PIK3CB: variants seen among roughly 807,000 people sequenced by gnomAD.
The protein encoded by PIK3CB is phosphatidylinositol 4,5-bisphosphate 3-kinase catalytic subunit beta isoform.
PIK3CB carries 39 observed loss-of-function variants against 136.8 expected under a neutral mutation model. The ratio of observed to expected loss-of-function variants is 0.29; its 90% CI spans 0.22 to 0.37. PIK3CB has a LOEUF of 0.37. PIK3CB is among the 10% of genes least tolerant of loss of function. PIK3CB has a pLI of 1.00. For synonymous variants in PIK3CB, 428 were observed against 436.6 expected (o/e 0.98, Z 0.25); for missense variants, 868 against 1,275.4 (o/e 0.68, Z 4.87).
chr3:138,799,579 C>T (rs2046149229), intron 1 of PIK3CB, among the ~76,000 whole-genome samples: 1 of 152,158 alleles, frequency 6.6e-6, no homozygotes, highest in Admixed American at 6.6e-5. Context: ...TGCGTTACAA[C>T]TATGAACTAC....
chr3:138,830,137 A>G (rs1306253996), intron 1 of PIK3CB, among the ~76,000 whole-genome samples: 1 of 152,158 alleles, frequency 6.6e-6, no homozygotes, highest in Admixed American at 6.6e-5. Context: ...AGTCAAAGAG[A>G]GTGAAGAGGA....
chr3:138,685,846 T>G lies in PIK3CB; in HGVS notation c.2137-1043A>C, dbSNP rs568633173. ...AAATCAAAACCATTATGTTTAAAAT[T>G]CAACTTTAGGCTGGGTGTGATGGCT... On this transcript the variant is annotated intron_variant, in intron 16 of 23. Coordinates refer to ENST00000674063, the MANE Select transcript of PIK3CB (RefSeq NM_006219.3). Among the ~76,000 whole-genome samples the G allele has an allele frequency of 2.6e-5, 4 of 152,190 alleles. No homozygotes were observed. In the South Asian group the frequency reaches 8.3e-4, roughly 32 times the overall value.
intron 1 of PIK3CB, among the ~76,000 whole-genome samples, chr3:138,830,214 C>G (rs572067036): frequency 6.6e-6 from 1 of 152,094 alleles, no homozygotes; most frequent in Non-Finnish European, 1.5e-5. Flanking sequence ...AGTACACCAC[C>G]ACAACCACCC....
chr3:138,766,428 T>C (rs2045733376), intron 2 of PIK3CB, among the ~76,000 whole-genome samples: 1 of 152,246 alleles, frequency 6.6e-6, no homozygotes, highest in Non-Finnish European at 1.5e-5. Flanking sequence ...TTTAAATGTC[T>C]TAAAATTTTT....
At chr3:138,765,490 T>C (rs1352539953) in intron 2 of PIK3CB, among the ~76,000 whole-genome samples, 1 of 152,084 alleles carries the variant, frequency 6.6e-6, no homozygotes, top group Non-Finnish European at 1.5e-5. Context: ...GAAATCAAAA[T>C]ATTTTACCAA....
At chr3:138,781,529 T>C (rs1457772169) in intron 2 of PIK3CB, among the ~76,000 whole-genome samples, 1 of 151,818 alleles carries the variant, frequency 6.6e-6, no homozygotes, top group Admixed American at 6.6e-5. Context: ...CTTGGCTCAC[T>C]GCAAACTCCG....
At chr3:138,691,785 A>AT (rs35977707) in intron 14 of PIK3CB, among the ~76,000 whole-genome samples, 78,255 of 152,006 alleles carry the variant, frequency 0.51, 22,493 homozygotes, top group East Asian at 0.99. Context: ...TCATGACTGT[A>AT]TTTTCAGTCA....
intron 21 of PIK3CB, among the ~76,000 whole-genome samples, chr3:138,659,382 C>T (rs550023132): frequency 6.4e-4 from 97 of 152,078 alleles, no homozygotes; most frequent in African/African-American, 2.0e-3. Context: ...GGCGTGGTGG[C>T]GCATGCCTGT....
intron 5 of PIK3CB, among the ~76,000 whole-genome samples, chr3:138,739,627 G>A (rs1373654082): frequency 3.2e-4 from 48 of 151,420 alleles, no homozygotes; most frequent in Non-Finnish European, 2.9e-5. Context: ...CAGGCCAGGT[G>A]CAGTGGATCA....
chr3:138,739,224 T>C (rs2045184144), intron 5 of PIK3CB, among the ~76,000 whole-genome samples: 1 of 151,996 alleles, frequency 6.6e-6, no homozygotes. Context: ...GGTGGGCAGA[T>C]AATGAGGTCA....
At chr3:138,756,067 TAAAAATAA>T (rs1194576646) in intron 3 of PIK3CB, 88 bp from the exon 4 acceptor site, 1 of 555,536 alleles carries the variant, frequency 1.8e-6, no homozygotes, top group Non-Finnish European at 3.1e-6. Flanking sequence ...GCACTGTTTG[TAAAAATAA>T]AAAACTATGA....
At chr3:138,665,664 C>G (rs1174564978) in intron 19 of PIK3CB, among the ~76,000 whole-genome samples, 1 of 152,184 alleles carries the variant, frequency 6.6e-6, no homozygotes, top group African/African-American at 2.4e-5. Context: ...TACTTGCCAG[C>G]CTCCAGCCAT....
At chr3:138,797,191 A>G (rs904434892) in intron 1 of PIK3CB, 5 of 153,364 alleles carry the variant, frequency 3.3e-5, no homozygotes, top group African/African-American at 1.2e-4. Context: ...CATATATTCA[A>G]CAGATTCCTG....
At chr3:138,677,870 G>A (rs1309806561) in intron 19 of PIK3CB, among the ~76,000 whole-genome samples, 2 of 152,090 alleles carry the variant, frequency 1.3e-5, no homozygotes, top group Admixed American at 1.3e-4. Flanking sequence ...ACTCTGGCCT[G>A]GGCAACAAGA....
chr3:138,753,018 T>C (rs150536517), intron 4 of PIK3CB, among the ~76,000 whole-genome samples: 64 of 152,162 alleles, frequency 4.2e-4, no homozygotes, highest in African/African-American at 1.5e-3. Context: ...TTGAAGAAAC[T>C]TGGCCCACAT....
intron 13 of PIK3CB, among the ~76,000 whole-genome samples, chr3:138,695,144 G>A (rs535575139): frequency 6.6e-6 from 1 of 152,028 alleles, no homozygotes; most frequent in East Asian, 1.9e-4. Flanking sequence ...AAATTTTATG[G>A]GTGAGAGAGA....
Position 138,767,481 on chromosome 3 carries a change from G to T in PIK3CB, c.-16-8122C>A, listed in dbSNP as rs147518856. ...GGATCCTTGGGGTGTTGTTTTTCTG[G>T]CCAGAAACATCTGTGGCCAGTGGCG... On this transcript the variant is annotated intron_variant, in intron 2 of 23. Transcript: ENST00000674063. 3.3e-4 allele frequency among the ~76,000 whole-genome samples: 50 copies of T among 152,250 alleles called. 1 individual carries two copies. The highest frequency in any genetic ancestry group is 1.0e-3 in the African/African-American group (42 of 41,540).
chr3:138,707,662 G>A, intron 10 of PIK3CB: 1 of 511,150 alleles, frequency 2.0e-6, no homozygotes, highest in Non-Finnish European at 2.5e-6. Context: ...CATGTAATCT[G>A]GTTTTCATGG....
intron 2 of PIK3CB, among the ~76,000 whole-genome samples, chr3:138,779,344 C>T (rs189718553): frequency 1.3e-5 from 2 of 150,532 alleles, no homozygotes; most frequent in African/African-American, 4.9e-5. Flanking sequence ...CCTCAGCCTC[C>T]CAAAATGCTG....
Sources: gnomAD v4.1 joint callset for allele counts (sites outside exome capture counted in the v4.1 genomes callset) on GRCh38, gnomAD v4.1.1 for gene constraint, MANE v1.5 for transcripts, NCBI Gene and HGNC (gene_info 2026-07-23, HGNC 2026-07-21) for gene names.